The following GSK3B variants were observed in gnomAD, a reference collection of about 807,000 sequenced individuals.
GSK3B encodes the protein glycogen synthase kinase 3 beta, also known as glycogen synthase kinase-3 beta.
Under a neutral mutation model 56.4 loss-of-function variants are expected in GSK3B, and 15 were observed. That is an observed-to-expected ratio of 0.27 (90% CI 0.18 to 0.41). The LOEUF (loss-of-function observed/expected upper bound fraction) is 0.41, where lower values mean the gene tolerates loss of function less well. Among genes scored for constraint, GSK3B ranks in the 10% least tolerant of loss-of-function variants. GSK3B has a pLI of 1.00. For missense variants in GSK3B, 300 were observed against 513.4 expected, an observed-to-expected ratio of 0.58 and a Z score of 4.02; for synonymous variants, 181 against 188.9, an observed-to-expected ratio of 0.96 and a Z score of 0.34.
At chr3:119,958,221 T>C (rs556624488) in intron 2 of GSK3B, among the ~76,000 whole-genome samples, 1 of 152,278 alleles carries the variant, frequency 6.6e-6, no homozygotes, top group East Asian at 1.9e-4. Flanking sequence ...GACTGTAAAT[T>C]TCCTAAGGCC....
chr3:119,852,959 T>C (rs1228612162), intron 9 of GSK3B, among the ~76,000 whole-genome samples: 1 of 152,224 alleles, frequency 6.6e-6, no homozygotes, highest in East Asian at 1.9e-4. Flanking sequence ...TGGCTTTTGT[T>C]GCCATTGCTT....
chr3:120,010,514 C>T (rs1158842831), intron 1 of GSK3B, among the ~76,000 whole-genome samples: 1 of 152,180 alleles, frequency 6.6e-6, no homozygotes, highest in East Asian at 1.9e-4. Flanking sequence ...CATAGTCTGA[C>T]TCTTCCCTAT....
intron 7 of GSK3B, among the ~76,000 whole-genome samples, chr3:119,892,160 G>A (rs548155742): frequency 6.6e-6 from 1 of 152,234 alleles, no homozygotes; most frequent in East Asian, 1.9e-4. Flanking sequence ...AGGTGCATGT[G>A]TAGCCTTTAA....
At chr3:120,068,719 AAAT>A (rs542533714) in intron 1 of GSK3B, among the ~76,000 whole-genome samples, 5 of 151,658 alleles carry the variant, frequency 3.3e-5, no homozygotes, top group Admixed American at 1.3e-4. Flanking sequence ...ATAAATAAAT[AAAT>A]AATAATAATA....
At chr3:119,866,733 G>GT (rs1242617736) in intron 8 of GSK3B, 1 of 727,518 alleles carries the variant, frequency 1.4e-6, no homozygotes. Flanking sequence ...AATCCATGGT[G>GT]TGGGGGGGGA....
At chr3:119,830,862 T>C (rs1474980523) in intron 10 of GSK3B, among the ~76,000 whole-genome samples, 2 of 152,230 alleles carry the variant, frequency 1.3e-5, no homozygotes, top group Non-Finnish European at 2.9e-5. Context: ...AAATGAGGCC[T>C]ATGAAGTGCT....
At chr3:119,850,749 G>C (rs373745784) in intron 9 of GSK3B, among the ~76,000 whole-genome samples, 3 of 152,260 alleles carry the variant, frequency 2.0e-5, no homozygotes, top group South Asian at 2.1e-4. Context: ...GCACCTGTTA[G>C]CATCAGACAC....
intron 2 of GSK3B, among the ~76,000 whole-genome samples, chr3:119,984,883 C>T (rs2319402): frequency 0.026 from 3,943 of 152,062 alleles, 175 homozygotes; most frequent in African/African-American, 0.089. Flanking sequence ...AGAGACACAA[C>T]AAAAAAAGGA....
At chr3:119,887,620 T>C (rs914181332) in intron 7 of GSK3B, among the ~76,000 whole-genome samples, 1 of 152,012 alleles carries the variant, frequency 6.6e-6, no homozygotes, top group Non-Finnish European at 1.5e-5. Context: ...AAAAAACATG[T>C]ACACATGTGA....
chr3:120,069,102 G>C (rs1002295440), intron 1 of GSK3B, among the ~76,000 whole-genome samples: 1 of 152,144 alleles, frequency 6.6e-6, no homozygotes, highest in South Asian at 2.1e-4. Flanking sequence ...CTTGCCCTGG[G>C]TAATGACAAA....
intron 2 of GSK3B, among the ~76,000 whole-genome samples, chr3:119,982,850 G>A (rs191550722): frequency 1.8e-4 from 27 of 152,200 alleles, no homozygotes; most frequent in African/African-American, 6.3e-4. Context: ...TCAGGAAATA[G>A]AGAGAACACC....
At chr3:119,897,793 C>CAAAAAAAAA (rs11464173) in intron 7 of GSK3B, among the ~76,000 whole-genome samples, 1 of 73,136 alleles carries the variant, frequency 1.4e-5, no homozygotes, top group African/African-American at 4.2e-5. Flanking sequence ...GACTCTGTCT[C>CAAAAAAAAA]AAAAAAAAAA....
chr3:119,912,503 TAAA>T (rs201360563), intron 6 of GSK3B, among the ~76,000 whole-genome samples, 198 bp downstream of exon 6: 4 of 141,194 alleles, frequency 2.8e-5, no homozygotes, highest in African/African-American at 1.0e-4. Context: ...TTTGAGAGGT[TAAA>T]AAAAAAAAAG....
At chr3:120,078,543 CTCTT>C (rs969423888) in intron 1 of GSK3B, among the ~76,000 whole-genome samples, 2 of 144,058 alleles carry the variant, frequency 1.4e-5, no homozygotes, top group African/African-American at 2.7e-5. Flanking sequence ...AGAACTTCTC[CTCTT>C]TTTTTTTTTT....
intron 7 of GSK3B, among the ~76,000 whole-genome samples, chr3:119,898,783 T>A (rs915130991): frequency 3.9e-5 from 6 of 152,162 alleles, no homozygotes; most frequent in African/African-American, 1.4e-4. Context: ...ACTATGTTTT[T>A]CCTATACATA....
At chr3:119,939,682 C>T (rs1193497422) in intron 3 of GSK3B, among the ~76,000 whole-genome samples, 1 of 152,042 alleles carries the variant, frequency 6.6e-6, no homozygotes, top group East Asian at 1.9e-4. Context: ...TGAACTAAGG[C>T]AGCATTATCA....
intron 1 of GSK3B, among the ~76,000 whole-genome samples, chr3:120,038,544 T>C (rs866979746): frequency 1.3e-5 from 2 of 152,112 alleles, no homozygotes; most frequent in Non-Finnish European, 2.9e-5. Flanking sequence ...ATGTGCATCA[T>C]TGAAAGAGGA....
At chr3:119,957,008 T>G (rs2057221182) in intron 2 of GSK3B, among the ~76,000 whole-genome samples, 1 of 152,234 alleles carries the variant, frequency 6.6e-6, no homozygotes, top group Admixed American at 6.5e-5. Flanking sequence ...GGCTGTTTGT[T>G]ATAAATTTTA....
chr3:119,897,793 C>CAAAAAAAAAAAAA (rs11464173), intron 7 of GSK3B, among the ~76,000 whole-genome samples: 1 of 73,070 alleles, frequency 1.4e-5, no homozygotes, highest in Non-Finnish European at 3.1e-5. Context: ...GACTCTGTCT[C>CAAAAAAAAAAAAA]AAAAAAAAAA....
Sources: gnomAD v4.1 joint callset for allele counts (sites outside exome capture counted in the v4.1 genomes callset) on GRCh38, gnomAD v4.1.1 for gene constraint, MANE v1.5 for transcripts, NCBI Gene and HGNC (gene_info 2026-07-23, HGNC 2026-07-21) for gene names.